Variants in BCAS3 observed in about 807,000 individuals in gnomAD.
The protein encoded by BCAS3 is BCAS4/BCAS3 fusion.
In BCAS3, 53 loss-of-function variants were observed where a neutral mutation model predicts 116.1. The observed-to-expected ratio is 0.46, with a 90% CI of 0.37 to 0.57. The LOEUF is 0.57. Among genes scored for constraint, BCAS3 ranks in the 20% least tolerant of loss-of-function variants. BCAS3 has a pLI of 0.00. For synonymous variants in BCAS3, 391 were observed against 408.2 expected, an observed-to-expected ratio of 0.96 and a Z score of 0.51; for missense variants, 917 against 1,165.4, an observed-to-expected ratio of 0.79 and a Z score of 3.10.
In BCAS3 at chr17:61,077,716, T is replaced by C. The variant is rs948025096; in HGVS notation, c.2131-617T>C. Among the ~76,000 whole-genome samples, 1 of 152,186 alleles carries C rather than the reference T, an allele frequency of 6.6e-6. No individual in the cohort carries two copies. The highest frequency in any genetic ancestry group is 2.4e-5 in the African/African-American group (1 of 41,456). ...CAAAAATCTAGTTTGAGAGAAAATA[T>C]ATAATAATGTTTTCATTTAAAAGTG... On this transcript the variant is annotated intron_variant, in intron 20 of 23. Coordinates refer to ENST00000407086, the MANE Select transcript of BCAS3 (RefSeq NM_017679.5). This position sits in a 1 kb window ranked among gnomAD's most constrained non-coding sequence, Gnocchi z 4.3.
chr17:60,722,802 T>A (rs2039394647), intron 5 of BCAS3, among the ~76,000 whole-genome samples: 1 of 151,320 alleles, frequency 6.6e-6, no homozygotes, highest in South Asian at 2.1e-4. Context: ...GCACAGTGGC[T>A]CATGCCTGTA....
At chr17:60,753,737 T>C (rs1197356680) in intron 6 of BCAS3, among the ~76,000 whole-genome samples, 1 of 152,154 alleles carries the variant, frequency 6.6e-6, no homozygotes, top group Non-Finnish European at 1.5e-5. Flanking sequence ...ACATTTTCCA[T>C]ATTGTTGATG....
chr17:61,281,910 T>C lies in BCAS3; in HGVS notation c.2426-86417T>C, dbSNP rs909769549. Among the ~76,000 whole-genome samples the C allele has an allele frequency of 1.3e-5, 2 of 152,208 alleles. No homozygotes were observed. Among genetic ancestry groups the C allele is most frequent in the African/African-American group, 4.8e-5 (2 of 41,458 alleles). ...TTTACTTTCTTTTCCGCTACTTCCTTTTTACAAGACTGTTGTGCACATAAT... is the reference window on the plus strand; with the variant it reads ...TTTACTTTCTTTTCCGCTACTTCCTCTTTACAAGACTGTTGTGCACATAAT... On this transcript the variant is annotated intron_variant, in intron 22 of 23. Coordinates refer to ENST00000407086, the MANE Select transcript of BCAS3 (RefSeq NM_017679.5). This position sits in a 1 kb window ranked among gnomAD's most constrained non-coding sequence, Gnocchi z 4.2.
chr17:61,360,745 T>C (rs997845615), intron 22 of BCAS3, among the ~76,000 whole-genome samples: 6 of 152,240 alleles, frequency 3.9e-5, no homozygotes, highest in Non-Finnish European at 8.8e-5. Context: ...CATTTCCAAA[T>C]AAGGCCACAT....
rs1048880173 is a variant in BCAS3, at chr17:61,051,579, T to A, written c.2029+10687T>A. Among the ~76,000 whole-genome samples, 2 of 152,204 alleles carry A rather than the reference T, an allele frequency of 1.3e-5. No individual in the cohort carries two copies. The highest frequency in any genetic ancestry group is 4.8e-5 in the African/African-American group (2 of 41,446). ...TATTTTGCAACTTTTTGTGAATCTT[T>A]AATCATTTCAAAATAAAAACTTGTT... On this transcript the variant is annotated intron_variant, in intron 19 of 23. Transcript: ENST00000407086. This position sits in a 1 kb window ranked among gnomAD's most constrained non-coding sequence, Gnocchi z 4.1.
intron 22 of BCAS3, among the ~76,000 whole-genome samples, chr17:61,194,008 T>C (rs1007741119): frequency 1.3e-5 from 2 of 151,250 alleles, no homozygotes; most frequent in African/African-American, 4.9e-5. Flanking sequence ...TCCCAGCTAT[T>C]TGGGAGGCTG....
chr17:61,037,386 T>C lies in BCAS3; in HGVS notation c.1763-503T>C, dbSNP rs910684752. Among the ~76,000 whole-genome samples the C allele has an allele frequency of 6.6e-6, 1 of 152,216 alleles. No homozygotes were observed. Among genetic ancestry groups the C allele is most frequent in the Non-Finnish European group, 1.5e-5 (1 of 68,040 alleles). On this transcript the variant is annotated intron_variant, in intron 17 of 23. Coordinates refer to ENST00000407086, the MANE Select transcript of BCAS3 (RefSeq NM_017679.5). This position sits in a 1 kb window ranked among gnomAD's most constrained non-coding sequence, Gnocchi z 4.7. ...CATTCTTGAAGTAAGTTGCTTAAGA[T>C]TGAAAATACTCTGATATCATAGACA...
At chr17:61,372,270 G>C (rs1256107392) in intron 23 of BCAS3, among the ~76,000 whole-genome samples, 1 of 152,142 alleles carries the variant, frequency 6.6e-6, no homozygotes, top group Non-Finnish European at 1.5e-5. Context: ...GTCTGCAATA[G>C]AGACGCAGAG....
rs1455567228 is a variant in BCAS3, at chr17:61,128,448, A to G, written c.2425+43884A>G. ...CCTGCAGTTATTGCTCAACAGAGTAATAATAATAGATTTGGAGAATGTTCT... is the reference window on the plus strand; with the variant it reads ...CCTGCAGTTATTGCTCAACAGAGTAGTAATAATAGATTTGGAGAATGTTCT... On this transcript the variant is annotated intron_variant, in intron 22 of 23. Coordinates refer to ENST00000407086, the MANE Select transcript of BCAS3 (RefSeq NM_017679.5). The surrounding 1 kb of genome is among the most constrained non-coding windows in gnomAD (Gnocchi z 4.1). 23 of 985,328 alleles carry G rather than the reference A, an allele frequency of 2.3e-5. No individual in the cohort carries two copies. Among genetic ancestry groups the G allele is most frequent in the Non-Finnish European group, 2.8e-5 (23 of 829,938 alleles). The allele number at this position is 985,328 out of a possible 1,614,324, so 61.0% of individuals were successfully genotyped here.
chr17:60,891,784 T>C (rs1268687506), intron 10 of BCAS3: 1 of 454,800 alleles, frequency 2.2e-6, no homozygotes, highest in Non-Finnish European at 4.4e-6. Context: ...ATAAGTGATT[T>C]TTCAACCCTC....
intron 5 of BCAS3, among the ~76,000 whole-genome samples, chr17:60,724,618 G>C (rs751102732): frequency 6.6e-6 from 1 of 151,638 alleles, no homozygotes; most frequent in Non-Finnish European, 1.5e-5. Context: ...CCAGCTACTT[G>C]GGAGGCTGAG....
intron 5 of BCAS3, among the ~76,000 whole-genome samples, chr17:60,717,633 G>A (rs1028218462): frequency 6.6e-6 from 1 of 152,084 alleles, no homozygotes; most frequent in Non-Finnish European, 1.5e-5. Flanking sequence ...CTTTGTTTTC[G>A]CCCTTGTAAG....
At position 61,273,992 on chromosome 17, in the gene BCAS3, G is replaced by GTA. The variant is rs2050545372; in HGVS notation, c.2426-94334_2426-94333dup. On this transcript the variant is annotated intron_variant, in intron 22 of 23. Coordinates refer to ENST00000407086, the MANE Select transcript of BCAS3 (RefSeq NM_017679.5). ...TTATTATTATACTTTAAGTTTTAGG[G>GTA]TACATGTGCACAACGTGCAGGTTTG... is the stretch of plus-strand genomic sequence containing the variant. Among the ~76,000 whole-genome samples the GTA allele has an allele frequency of 6.0e-5, 9 of 148,814 alleles. No homozygotes were observed. The South Asian group carries it at 1.9e-3, about 31-fold the overall frequency.
At chr17:61,353,370 G>A (rs537706081) in intron 22 of BCAS3, among the ~76,000 whole-genome samples, 59 of 152,304 alleles carry the variant, frequency 3.9e-4, no homozygotes, top group Non-Finnish European at 6.9e-4. Flanking sequence ...AGCTGGTGAC[G>A]CCGGCGGTCT....
intron 6 of BCAS3, among the ~76,000 whole-genome samples, chr17:60,775,502 A>T (rs1214277943): frequency 6.7e-6 from 1 of 149,154 alleles, no homozygotes; most frequent in Non-Finnish European, 1.5e-5. Flanking sequence ...TTTTCACTGA[A>T]TTTTTTTCTC....
rs765355016 is a variant in BCAS3, at chr17:61,361,439, G to A, written c.2426-6888G>A. Among the ~76,000 whole-genome samples, 26 of 152,056 alleles carry A rather than the reference G, an allele frequency of 1.7e-4. No homozygotes were observed. Among genetic ancestry groups the A allele is most frequent in the Admixed American group, 1.2e-3 (18 of 15,272 alleles). On this transcript the variant is annotated intron_variant, in intron 22 of 23. Coordinates refer to ENST00000407086, the MANE Select transcript of BCAS3 (RefSeq NM_017679.5). The surrounding 1 kb of genome is among the most constrained non-coding windows in gnomAD (Gnocchi z 6.5). The stretch of plus-strand genomic sequence containing the variant: ...CCTTTTCCCTGGCTCAGGACCATGC[G>A]ATATGATACACATAATATATAACAT...
rs539038317 is a variant in BCAS3, at chr17:61,235,860, G to A, written c.2426-132467G>A. On this transcript the variant is annotated intron_variant, in intron 22 of 23. Transcript: ENST00000407086. This position sits in a 1 kb window ranked among gnomAD's most constrained non-coding sequence, Gnocchi z 5.0. Reference sequence around the variant, plus strand: ...ATCCTCCTCTTGTCTAGGAGTTTCTGCTACTGGGAGCCACAGGGTAATCAG... The same window carrying A: ...ATCCTCCTCTTGTCTAGGAGTTTCTACTACTGGGAGCCACAGGGTAATCAG... Among the ~76,000 whole-genome samples, 4 of 152,286 alleles carry A rather than the reference G, an allele frequency of 2.6e-5. No homozygotes were observed. The South Asian group carries it at 8.3e-4, about 32-fold the overall frequency.
At chr17:60,931,300 G>C (rs1214031491) in intron 13 of BCAS3, among the ~76,000 whole-genome samples, 3 of 151,770 alleles carry the variant, frequency 2.0e-5, no homozygotes, top group Non-Finnish European at 4.4e-5. Context: ...TTTTGAGATG[G>C]AACCTCGCTC....
chr17:60,810,435 C>G (rs2048700306), intron 7 of BCAS3: 1 of 578,006 alleles, frequency 1.7e-6, no homozygotes, highest in African/African-American at 1.9e-5. Context: ...TGGACGATTG[C>G]CTGGCCTCCT....
Sources: gnomAD v4.1 joint callset for allele counts (sites outside exome capture counted in the v4.1 genomes callset) on GRCh38, gnomAD v4.1.1 for gene constraint, Gnocchi (gnomAD v3.1) non-coding constraint, MANE v1.5 for transcripts, NCBI Gene and HGNC (gene_info 2026-07-23, HGNC 2026-07-21) for gene names.